EPHA6: variants seen among roughly 807,000 people sequenced by gnomAD.
EPHA6 encodes the protein ephrin type-A receptor 6.
EPHA6 carries 50 observed loss-of-function variants against 112.0 expected under a neutral mutation model. That is an observed-to-expected ratio of 0.45 (90% CI 0.36 to 0.56). The LOEUF is 0.56. Ranked by LOEUF, EPHA6 falls within the 20% of genes least tolerant of loss-of-function variation. The probability of loss-of-function intolerance (pLI) is 0.00; values close to 1 mark genes in which losing one functional copy is unlikely to be tolerated. For missense variants in EPHA6, 1,280 were observed against 1,417.4 expected, an observed-to-expected ratio of 0.90 and a Z score of 1.56; for synonymous variants, 529 against 490.7, an observed-to-expected ratio of 1.08 and a Z score of -1.03.
At chr3:97,592,121 G>A (rs930445713) in intron 11 of EPHA6, among the ~76,000 whole-genome samples, 3 of 152,070 alleles carry the variant, frequency 2.0e-5, no homozygotes, top group African/African-American at 7.3e-5. Flanking sequence ...TCTTGTCCCT[G>A]TTGCAAAAAT....
At chr3:97,401,920 G>C (rs2087015717) in intron 5 of EPHA6, among the ~76,000 whole-genome samples, 1 of 151,658 alleles carries the variant, frequency 6.6e-6, no homozygotes, top group Non-Finnish European at 1.5e-5. Context: ...TTGTTTATTT[G>C]GTAACTCAGA....
Position 97,056,297 on chromosome 3 carries a change from C to T in EPHA6, c.1114+68304C>T, listed in dbSNP as rs1366582464. On this transcript the variant is annotated intron_variant, in intron 3 of 17. Transcript: ENST00000389672. ...ACATACTTATTCATACTGCCCCCTT[C>T]GCTCTCAAGTATCCTGGTTTAGATA... 3.9e-5 allele frequency among the ~76,000 whole-genome samples: 6 copies of T among 152,180 alleles called. No homozygotes were observed. In the East Asian group the frequency reaches 9.6e-4, roughly 24 times the overall value.
chr3:97,563,746 T>C (rs1395741544), intron 11 of EPHA6, among the ~76,000 whole-genome samples: 1 of 152,214 alleles, frequency 6.6e-6, no homozygotes, highest in Non-Finnish European at 1.5e-5. Context: ...TTATTTAACC[T>C]TGAGGTCCAA....
intron 15 of EPHA6, among the ~76,000 whole-genome samples, chr3:97,726,836 G>T (rs1157315750): frequency 6.6e-6 from 1 of 151,986 alleles, no homozygotes; most frequent in East Asian, 1.9e-4. Context: ...GAAGAAAATG[G>T]AAGCAAAACA....
At chr3:97,464,740 A>G (rs965710028) in intron 7 of EPHA6, among the ~76,000 whole-genome samples, 2 of 152,086 alleles carry the variant, frequency 1.3e-5, no homozygotes, top group African/African-American at 4.8e-5. Context: ...TCCCATGGAA[A>G]AAGTTATATT....
At chr3:97,278,109 A>G (rs959671921) in intron 5 of EPHA6, among the ~76,000 whole-genome samples, 1 of 152,186 alleles carries the variant, frequency 6.6e-6, no homozygotes, top group Non-Finnish European at 1.5e-5. Context: ...TTGGCTACTA[A>G]TGGCCACTTC....
intron 2 of EPHA6, among the ~76,000 whole-genome samples, chr3:96,897,640 G>A (rs1006672368): frequency 1.3e-5 from 2 of 152,144 alleles, no homozygotes; most frequent in Non-Finnish European, 2.9e-5. Flanking sequence ...ATGTTAACAA[G>A]TATAAACAGA....
intron 3 of EPHA6, among the ~76,000 whole-genome samples, chr3:97,144,693 G>A (rs147274590): frequency 8.7e-4 from 131 of 151,070 alleles, no homozygotes; most frequent in African/African-American, 2.8e-3. Flanking sequence ...TCTTCATTAC[G>A]TCTTTCTTAG....
rs927089095 is a variant in EPHA6 at position 97,566,578 on chromosome 3, A to G, written c.2387-26034A>G. Among the ~76,000 whole-genome samples, 4 of 152,316 alleles carry G rather than the reference A, an allele frequency of 2.6e-5. No individual in the cohort carries two copies. The South Asian group carries it at 6.2e-4, about 24-fold the overall frequency. Reference sequence around the variant, plus strand: ...TTTATTATCCAGGTTTATTTACAAAATAATTTTGTCAGGGCTCTGTTAGTG... The same window carrying G: ...TTTATTATCCAGGTTTATTTACAAAGTAATTTTGTCAGGGCTCTGTTAGTG... On this transcript the variant is annotated intron_variant, in intron 11 of 17. Coordinates refer to ENST00000389672, the MANE Select transcript of EPHA6 (RefSeq NM_001080448.3).
At chr3:96,839,458 T>G (rs1023261970) in intron 1 of EPHA6, among the ~76,000 whole-genome samples, 1 of 152,110 alleles carries the variant, frequency 6.6e-6, no homozygotes, top group South Asian at 2.1e-4. Flanking sequence ...ATGGGAAAAT[T>G]GTCTTCCATG....
At chr3:97,609,047 A>G (rs1205695809) in intron 12 of EPHA6, among the ~76,000 whole-genome samples, 5 of 151,382 alleles carry the variant, frequency 3.3e-5, no homozygotes, top group African/African-American at 1.2e-4. Context: ...TTTTTATTCT[A>G]GTAAGACTGG....
chr3:97,052,179 C>T (rs1427102760), intron 3 of EPHA6, among the ~76,000 whole-genome samples: 4 of 152,068 alleles, frequency 2.6e-5, no homozygotes, highest in Non-Finnish European at 4.4e-5. Context: ...CTACAGTGCA[C>T]ACTGTTACAT....
intron 1 of EPHA6, among the ~76,000 whole-genome samples, chr3:96,831,569 C>T (rs1179576003): frequency 2.0e-5 from 3 of 151,640 alleles, no homozygotes; most frequent in Non-Finnish European, 4.4e-5. Context: ...TGATCCATTC[C>T]TGTATTTTAT....
chr3:97,528,595 A>C (rs2092656078), intron 10 of EPHA6, among the ~76,000 whole-genome samples: 1 of 152,102 alleles, frequency 6.6e-6, no homozygotes, highest in Non-Finnish European at 1.5e-5. Flanking sequence ...AATGCTCTCT[A>C]GGGTTGGATA....
chr3:97,039,673 A>G (rs975926929), intron 3 of EPHA6, among the ~76,000 whole-genome samples: 1 of 151,974 alleles, frequency 6.6e-6, no homozygotes, highest in Non-Finnish European at 1.5e-5. Context: ...GAGAAATAAG[A>G]TGGTTTTTCA....
intron 14 of EPHA6, among the ~76,000 whole-genome samples, chr3:97,644,542 C>A (rs1364329634): frequency 6.6e-6 from 1 of 151,842 alleles, no homozygotes; most frequent in East Asian, 1.9e-4. Flanking sequence ...AGACCACTAG[C>A]AAGACTAATA....
At chr3:97,172,887 C>T (rs538532649) in intron 3 of EPHA6, among the ~76,000 whole-genome samples, 1 of 152,046 alleles carries the variant, frequency 6.6e-6, no homozygotes, top group South Asian at 2.1e-4. Context: ...ACAGTATTTA[C>T]ATTTTTATTG....
intron 12 of EPHA6, among the ~76,000 whole-genome samples, chr3:97,609,804 G>A (rs1478600867): frequency 6.6e-6 from 1 of 151,404 alleles, no homozygotes; most frequent in Non-Finnish European, 1.5e-5. Context: ...GTGTTTGTAA[G>A]GAAAAACTGT....
At chr3:96,873,052 G>A (rs936413186) in intron 2 of EPHA6, among the ~76,000 whole-genome samples, 1 of 151,920 alleles carries the variant, frequency 6.6e-6, no homozygotes, top group Non-Finnish European at 1.5e-5. Flanking sequence ...TGGATCACCT[G>A]AGGTCAGGAG....
Sources: allele counts gnomAD v4.1 joint callset (sites outside exome capture counted in the v4.1 genomes callset), GRCh38; gene constraint gnomAD v4.1.1; transcripts MANE v1.5; gene names NCBI Gene and HGNC (gene_info 2026-07-23, HGNC 2026-07-21).